Variants in EP400 observed in about 807,000 individuals in gnomAD.
The protein encoded by EP400 is E1A binding protein p400.
A neutral mutation model predicts 354.1 loss-of-function variants in EP400; 105 were observed. That is an observed-to-expected ratio of 0.30 (90% CI 0.25 to 0.35). The LOEUF (loss-of-function observed/expected upper bound fraction) is 0.35. Among genes scored for constraint, EP400 ranks in the 10% least tolerant of loss-of-function variants. EP400 has a pLI of 1.00. For synonymous variants in EP400, 1,646 were observed against 1,716.9 expected, an observed-to-expected ratio of 0.96 and a Z score of 1.02; for missense variants, 3,280 against 4,121.0, an observed-to-expected ratio of 0.80 and a Z score of 5.59.
Position 132,005,192 on chromosome 12 carries a change from C to T in EP400, c.2935+8C>T, listed in dbSNP as rs779128205. ...ACACAAGCGGAGAGGAAGGTGCGCT[C>T]CCAGCCTTTGGAAGAATTCAGGGTT... On this transcript the variant is annotated splice_region_variant and intron_variant, in intron 13 of 52. Transcript: ENST00000389561. The T allele has an allele frequency of 1.9e-6, 3 of 1,554,580 alleles. No homozygotes were observed. Among genetic ancestry groups the T allele is most frequent in the Non-Finnish European group, 2.6e-6 (3 of 1,147,232 alleles).
chr12:132,050,817 C>A lies in EP400; in HGVS notation c.7394+162C>A, dbSNP rs1464067277. 1 of 831,770 alleles carries A rather than the reference C, an allele frequency of 1.2e-6. No homozygotes were observed. Among genetic ancestry groups the A allele is most frequent in the East Asian group, 2.6e-5 (1 of 38,970 alleles). 51.5% of individuals were successfully genotyped at this position (831,770 alleles called of 1,614,324 possible). On this transcript the variant is annotated intron_variant, in intron 41 of 52. Transcript: ENST00000389561. This position sits in a 1 kb window ranked among gnomAD's most constrained non-coding sequence, Gnocchi z 4.8. ...CTGCAGGAGAGAGGTGCTTTTCCTG[C>A]CGTGGGCTAGGGTATGCATAGGACG...
chr12:131,990,413 C>A lies in EP400; in HGVS notation c.2551-223C>A, dbSNP rs952225026. Among the ~76,000 whole-genome samples, 1 of 152,168 alleles carries A rather than the reference C, an allele frequency of 6.6e-6. No individual in the cohort carries two copies. The highest frequency in any genetic ancestry group is 1.5e-5 in the Non-Finnish European group (1 of 68,040). On this transcript the variant is annotated intron_variant, in intron 8 of 52. Coordinates refer to ENST00000389561, the MANE Select transcript of EP400 (RefSeq NM_015409.5). The surrounding 1 kb of genome is among the most constrained non-coding windows in gnomAD (Gnocchi z 4.2). ...CACGGTTACTTCTAGAGCGGTCGCT[C>A]GCTCACTTGCTTTCCTTTTTTGAAA...
chr12:132,018,870 A>G lies in EP400; in HGVS notation c.4277+494A>G, dbSNP rs941216578. 3.9e-5 allele frequency among the ~76,000 whole-genome samples: 6 copies of G among 152,210 alleles called. No individual in the cohort carries two copies. Among genetic ancestry groups the G allele is most frequent in the Non-Finnish European group, 5.9e-5 (4 of 68,034 alleles). ...AATGACTCATAGTCTAAATCTAGCA[A>G]TTGGAAATATCCAAAATCCTATGCT... On this transcript the variant is annotated intron_variant, in intron 21 of 52. Transcript: ENST00000389561. The surrounding 1 kb of genome is among the most constrained non-coding windows in gnomAD (Gnocchi z 4.0).
chr12:132,037,426 A>G (rs545495102), intron 30 of EP400, among the ~76,000 whole-genome samples: 9 of 152,256 alleles, frequency 5.9e-5, no homozygotes, highest in East Asian at 5.8e-4. Context: ...GAAAAACGGG[A>G]TGGCGGGTGG....
intron 30 of EP400, 28 bp downstream of exon 30, chr12:132,032,177 G>C: frequency 6.3e-7 from 1 of 1,595,008 alleles, no homozygotes; most frequent in Admixed American, 1.7e-5. Flanking sequence ...ATAGGATCAG[G>C]AGATGCAAAG....
At chr12:132,011,062 C>G (rs747298425) in intron 15 of EP400, among the ~76,000 whole-genome samples, 10 of 152,246 alleles carry the variant, frequency 6.6e-5, no homozygotes, top group Non-Finnish European at 1.5e-4. Context: ...CCTTGGCTAA[C>G]AAAACACAGT....
In EP400 at chr12:132,067,595, C is replaced by A; in HGVS notation, c.8874+109C>A. 6.8e-7 allele frequency: 1 copy of A among 1,469,724 alleles called. No homozygotes were observed. The highest frequency in any genetic ancestry group is 1.3e-5 in the South Asian group (1 of 75,854). The allele number at this position is 1,469,724 out of a possible 1,614,324, so 91.0% of individuals were successfully genotyped here. On this transcript the variant is annotated intron_variant, in intron 50 of 52. Transcript: ENST00000389561. This position sits in a 1 kb window ranked among gnomAD's most constrained non-coding sequence, Gnocchi z 5.3. ...TCCCCATGTGGCGGCTCACGCTTTT[C>A]AGAGGGTGGCTTCAAGGGCTGGAGG...
chr12:132,005,186 T>G lies in EP400; in HGVS notation c.2935+2T>G. On this transcript the variant is annotated splice_donor_variant, in intron 13 of 52. Coordinates refer to ENST00000389561, the MANE Select transcript of EP400 (RefSeq NM_015409.5). LOFTEE classifies it high-confidence loss of function. ...GGGAGGACACAAGCGGAGAGGAAGGTGCGCTCCCAGCCTTTGGAAGAATTC... is the reference window on the plus strand; with the variant it reads ...GGGAGGACACAAGCGGAGAGGAAGGGGCGCTCCCAGCCTTTGGAAGAATTC... 1 of 1,565,768 alleles carries G rather than the reference T, an allele frequency of 6.4e-7. No individual in the cohort carries two copies. The highest frequency in any genetic ancestry group is 8.7e-7 in the Non-Finnish European group (1 of 1,154,260).
intron 2 of EP400, among the ~76,000 whole-genome samples, chr12:131,970,035 A>T (rs1433205048): frequency 6.6e-6 from 1 of 152,172 alleles, no homozygotes; most frequent in African/African-American, 2.4e-5. Context: ...TGACAGAGCA[A>T]AACTCTGTCT....
chr12:132,003,293 A>G (rs564119145), intron 12 of EP400, among the ~76,000 whole-genome samples: 156 of 152,288 alleles, frequency 1.0e-3, no homozygotes, highest in African/African-American at 3.6e-3. Context: ...ATGTGTAACA[A>G]CTATTTACAT....
chr12:131,981,084 TA>T (rs1892665253), intron 3 of EP400, among the ~76,000 whole-genome samples: 1 of 152,170 alleles, frequency 6.6e-6, no homozygotes. Context: ...TGGGTTTCTT[TA>T]GTTTTGAGCA....
chr12:131,962,458 A>G (rs768665934), intron 2 of EP400, among the ~76,000 whole-genome samples: 1 of 152,202 alleles, frequency 6.6e-6, no homozygotes, highest in Non-Finnish European at 1.5e-5. Flanking sequence ...AGCTTTTTAT[A>G]ATAACCAGCC....
chr12:131,962,093 A>G (rs540590813), intron 2 of EP400, 139 bp downstream of exon 2: 30 of 1,201,732 alleles, frequency 2.5e-5, no homozygotes, highest in Non-Finnish European at 3.4e-5. Context: ...GATTTGACCC[A>G]TAAGTAAAAG....
chr12:132,018,303 A>G lies in EP400; in HGVS notation c.4204A>G (p.Lys1402Glu). Reference sequence around the variant, plus strand: ...GCTGTCTAAGAAAAAGATACCGCGGAAACTCATGGAGGAAATCTCCACTTC... The same window carrying G: ...GCTGTCTAAGAAAAAGATACCGCGGGAACTCATGGAGGAAATCTCCACTTC... Reference protein sequence around the residue: ...ELLSKKKIPRKLMEEISTSAA... With the variant: ...ELLSKKKIPRELMEEISTSAA... The change falls in exon 21 of 53, where the codon AAA becomes GAA. Residue 1402 changes from lysine (K) to glutamate (E), a missense_variant. Transcript: ENST00000389561. This position sits in a 1 kb window ranked among gnomAD's most constrained non-coding sequence, Gnocchi z 4.0. 6.2e-7 allele frequency: 1 copy of G among 1,613,524 alleles called. No homozygotes were observed. The highest frequency in any genetic ancestry group is 8.5e-7 in the Non-Finnish European group (1 of 1,179,900).
In EP400 at chr12:132,045,368, T is replaced by G. The variant is rs775007725; in HGVS notation, c.6834T>G (p.Pro2278=). ...KQRHGEAVVP[P]RSLFDRATPG... is the part of the protein sequence containing the mutation. ...GTCACGGGGAGGCGGTCGTCCCTCCTCGGTCCCTGTTTGACCGCGCAACAC... is the reference window on the plus strand; with the variant it reads ...GTCACGGGGAGGCGGTCGTCCCTCCGCGGTCCCTGTTTGACCGCGCAACAC... Residue 2278 remains proline (P), a synonymous_variant, in exon 38 of 53, where the codon CCT becomes CCG. Coordinates refer to ENST00000389561, the MANE Select transcript of EP400 (RefSeq NM_015409.5). 1.2e-6 allele frequency: 2 copies of G among 1,614,088 alleles called. No homozygotes were observed. The highest frequency in any genetic ancestry group is 2.7e-5 in the African/African-American group (2 of 74,932).
At position 131,995,594 on chromosome 12, in the gene EP400, A is replaced by G. The variant is rs181226043; in HGVS notation, c.2827+638A>G. On this transcript the variant is annotated intron_variant, in intron 12 of 52. Transcript: ENST00000389561. Reference sequence around the variant, plus strand: ...TTGACTGAATGTACCGTTCATCCTGAGTGTGTGAGAACTTCACGTGAATGA... The same window carrying G: ...TTGACTGAATGTACCGTTCATCCTGGGTGTGTGAGAACTTCACGTGAATGA... Among the ~76,000 whole-genome samples the G allele has an allele frequency of 4.8e-4, 71 of 148,352 alleles. 1 individual carries two copies. Among genetic ancestry groups the G allele is most frequent in the African/African-American group, 1.8e-3 (70 of 39,912 alleles).
chr12:131,950,191 T>A (rs144694094), intron 1 of EP400, among the ~76,000 whole-genome samples, 155 bp downstream of exon 1: 4,412 of 151,868 alleles, frequency 0.029, 205 homozygotes, highest in East Asian at 0.06. Context: ...GCGGCTGTCG[T>A]GAGCGACCCC....
At chr12:132,034,998 T>C (rs960328505) in intron 30 of EP400, among the ~76,000 whole-genome samples, 2 of 152,032 alleles carry the variant, frequency 1.3e-5, no homozygotes, top group African/African-American at 4.8e-5. Flanking sequence ...AACAGGGAGA[T>C]TTGCCATTCT....
rs1323764585 is a variant in EP400 at position 132,064,962 on chromosome 12, G to A, written c.8553+76G>A. The A allele has an allele frequency of 4.0e-6, 6 of 1,518,432 alleles. No individual in the cohort carries two copies. The African/African-American group carries it at 8.3e-5, about 21-fold the overall frequency. The allele number at this position is 1,518,432 out of a possible 1,614,324, so 94.1% of individuals were successfully genotyped here. On this transcript the variant is annotated intron_variant, in intron 48 of 52. Transcript: ENST00000389561. ...TAACACAGCTGTTGCGCTTGCTCAG[G>A]TGCGTGTCACGTGTTACAGGAGTGA...
Sources: allele counts gnomAD v4.1 joint callset (sites outside exome capture counted in the v4.1 genomes callset), GRCh38; gene constraint gnomAD v4.1.1; non-coding constraint Gnocchi (gnomAD v3.1); transcripts MANE v1.5; gene names NCBI Gene and HGNC (gene_info 2026-07-23, HGNC 2026-07-21).